FBXL7: variants seen among roughly 807,000 people sequenced by gnomAD.
FBXL7 encodes the protein F-box and leucine rich repeat protein 7, also known as F-box/LRR-repeat protein 7.
Under a neutral mutation model 38.3 loss-of-function variants are expected in FBXL7, and 12 were observed. The observed-to-expected ratio is 0.31, with a 90% CI of 0.20 to 0.51. The LOEUF is 0.51. FBXL7 is among the 20% of genes least tolerant of loss of function. The pLI is 0.98. For missense variants in FBXL7, 567 were observed against 676.4 expected, an observed-to-expected ratio of 0.84 and a Z score of 1.79; for synonymous variants, 297 against 300.9, an observed-to-expected ratio of 0.99 and a Z score of 0.13.
At chr5:15,700,974 G>GT (rs558551328) in intron 2 of FBXL7, among the ~76,000 whole-genome samples, 28 of 151,258 alleles carry the variant, frequency 1.9e-4, no homozygotes, top group Non-Finnish European at 2.7e-4. Context: ...TTCAGAAAAA[G>GT]TTTTTTTTTA....
At chr5:15,638,644 G>C (rs1741263694) in intron 2 of FBXL7, among the ~76,000 whole-genome samples, 1 of 152,058 alleles carries the variant, frequency 6.6e-6, no homozygotes, top group Non-Finnish European at 1.5e-5. Flanking sequence ...GGGTGGGGGT[G>C]ATGCTGACTT....
At chr5:15,807,569 C>T (rs1301155256) in intron 2 of FBXL7, among the ~76,000 whole-genome samples, 2 of 152,172 alleles carry the variant, frequency 1.3e-5, no homozygotes, top group African/African-American at 4.8e-5. Flanking sequence ...TCTGGCAATA[C>T]TAAATAGTCA....
At chr5:15,785,042 G>A (rs1002642422) in intron 2 of FBXL7, among the ~76,000 whole-genome samples, 2 of 152,102 alleles carry the variant, frequency 1.3e-5, no homozygotes, top group Non-Finnish European at 2.9e-5. Flanking sequence ...GGTCTATACT[G>A]CAGCCTAGGG....
chr5:15,682,890 T>A (rs1004541812), intron 2 of FBXL7, among the ~76,000 whole-genome samples: 1 of 152,210 alleles, frequency 6.6e-6, no homozygotes, highest in Non-Finnish European at 1.5e-5. Context: ...AGATTTTCTG[T>A]TTGTCGAAGA....
chr5:15,808,542 G>C (rs1737775794), intron 2 of FBXL7, among the ~76,000 whole-genome samples: 1 of 152,068 alleles, frequency 6.6e-6, no homozygotes, highest in Admixed American at 6.5e-5. Flanking sequence ...AAGTTTTTGA[G>C]TACCTAGTAG....
At chr5:15,635,755 A>C (rs1741158711) in intron 2 of FBXL7, among the ~76,000 whole-genome samples, 1 of 152,092 alleles carries the variant, frequency 6.6e-6, no homozygotes, top group Admixed American at 6.6e-5. Flanking sequence ...TTATTCTAAG[A>C]GCCAACACGG....
intron 2 of FBXL7, among the ~76,000 whole-genome samples, chr5:15,703,922 A>G (rs939535600): frequency 1.3e-5 from 2 of 152,342 alleles, no homozygotes; most frequent in Admixed American, 1.3e-4. Context: ...CTGTCGACAT[A>G]TGTCATGCAG....
Position 15,936,724 on chromosome 5 carries a change from C to T in FBXL7, c.1014C>T (p.Ser338=), listed in dbSNP as rs759822107. The T allele has an allele frequency of 1.7e-5, 28 of 1,608,570 alleles. No homozygotes were observed. In the East Asian group the frequency reaches 3.6e-4, roughly 21 times the overall value. Residue 338 remains serine (S), a synonymous_variant, in exon 4 of 4, where the codon AGC becomes AGT. Coordinates refer to ENST00000504595, the MANE Select transcript of FBXL7 (RefSeq NM_012304.5). The surrounding 1 kb of genome is among the most constrained non-coding windows in gnomAD (Gnocchi z 6.0). ...GCGTCAGCGACTGCCGCTTCGTCAG[C>T]GACTTCGGCCTGCGGGAGATCGCCA... The part of the protein sequence containing the change: ...ELSVSDCRFV[S]DFGLREIAKL...
intron 2 of FBXL7, among the ~76,000 whole-genome samples, chr5:15,725,883 A>G (rs1341697018): frequency 6.6e-6 from 1 of 152,074 alleles, no homozygotes; most frequent in African/African-American, 2.4e-5. Flanking sequence ...TATTAAATCT[A>G]CTTGGTTTAT....
At chr5:15,527,837 G>A (rs559854195) in intron 1 of FBXL7, among the ~76,000 whole-genome samples, 1 of 152,234 alleles carries the variant, frequency 6.6e-6, no homozygotes, top group South Asian at 2.1e-4. Context: ...TGCCTTAACC[G>A]AACATACCCA....
intron 2 of FBXL7, among the ~76,000 whole-genome samples, chr5:15,823,132 T>G (rs557898192): frequency 6.6e-6 from 1 of 152,254 alleles, no homozygotes; most frequent in South Asian, 2.1e-4. Flanking sequence ...GAGGAATGCC[T>G]GTTGCCGTAT....
chr5:15,611,217 C>T (rs1180383921), intron 1 of FBXL7, among the ~76,000 whole-genome samples: 1 of 151,984 alleles, frequency 6.6e-6, no homozygotes, highest in African/African-American at 2.4e-5. Context: ...CAACACACAC[C>T]TTCCCATATA....
At chr5:15,616,373 C>T (rs994243858) in intron 2 of FBXL7, among the ~76,000 whole-genome samples, 3 of 152,044 alleles carry the variant, frequency 2.0e-5, no homozygotes, top group African/African-American at 4.8e-5. Context: ...CTTGTCTTTC[C>T]GTATAAAAAA....
rs186274787 is a variant in FBXL7, at chr5:15,772,857, A to G, written c.128-155033A>G. On this transcript the variant is annotated intron_variant, in intron 2 of 3. Coordinates refer to ENST00000504595, the MANE Select transcript of FBXL7 (RefSeq NM_012304.5). ...CTTTTAGCTCTTCTTACATTCTGTG[A>G]AGACCTTAATAGTGACTCAGAGCTA... is the stretch of plus-strand genomic sequence containing the variant. 3.2e-4 allele frequency among the ~76,000 whole-genome samples: 48 copies of G among 151,978 alleles called. No individual in the cohort carries two copies. The East Asian group carries it at 4.3e-3, about 13-fold the overall frequency.
intron 2 of FBXL7, among the ~76,000 whole-genome samples, chr5:15,864,223 T>G (rs1490516426): frequency 6.6e-6 from 1 of 150,730 alleles, no homozygotes; most frequent in Admixed American, 6.6e-5. Context: ...TCATTAGAAT[T>G]GTAAATCAAA....
Position 15,860,705 on chromosome 5 carries a change from G to C in FBXL7, c.128-67185G>C, listed in dbSNP as rs368185083. Among the ~76,000 whole-genome samples, 148 of 152,146 alleles carry C rather than the reference G, an allele frequency of 9.7e-4. 4 individuals carry two copies. The highest frequency in any genetic ancestry group is 3.5e-3 in the African/African-American group (144 of 41,512). On this transcript the variant is annotated intron_variant, in intron 2 of 3. Coordinates refer to ENST00000504595, the MANE Select transcript of FBXL7 (RefSeq NM_012304.5). ...TTTCGTAGTTGTCAACAAATCCAAG[G>C]CTTCTTTAACCAATTAGATACTTAG...
chr5:15,775,718 G>A (rs1736840168), intron 2 of FBXL7, among the ~76,000 whole-genome samples: 1 of 152,130 alleles, frequency 6.6e-6, no homozygotes, highest in African/African-American at 2.4e-5. Flanking sequence ...AATGGAATAT[G>A]GGCCAGGAAT....
intron 2 of FBXL7, among the ~76,000 whole-genome samples, chr5:15,927,018 G>A (rs1476590890): frequency 1.3e-5 from 2 of 151,332 alleles, no homozygotes; most frequent in African/African-American, 2.4e-5. Flanking sequence ...TCTAGTATAT[G>A]AGGTTTCTCC....
chr5:15,800,777 T>C (rs1324783120), intron 2 of FBXL7, among the ~76,000 whole-genome samples: 1 of 152,126 alleles, frequency 6.6e-6, no homozygotes, highest in East Asian at 1.9e-4. Flanking sequence ...TATCACAGAA[T>C]TTTTGGGAGG....
Sources: gnomAD v4.1 joint callset for allele counts (sites outside exome capture counted in the v4.1 genomes callset) on GRCh38, gnomAD v4.1.1 for gene constraint, Gnocchi (gnomAD v3.1) non-coding constraint, MANE v1.5 for transcripts, NCBI Gene and HGNC (gene_info 2026-07-23, HGNC 2026-07-21) for gene names.